PPP2R2D: variants seen among roughly 807,000 people sequenced by gnomAD.
PPP2R2D encodes protein phosphatase 2 regulatory subunit Bdelta, also known as serine/threonine-protein phosphatase 2A 55 kDa regulatory subunit B delta isoform.
Under a neutral mutation model 31.1 loss-of-function variants are expected in PPP2R2D, and 9 were observed. That is an observed-to-expected ratio of 0.29 (90% CI 0.17 to 0.51). The LOEUF is 0.51. Ranked by LOEUF, PPP2R2D falls within the 20% of genes least tolerant of loss-of-function variation. The probability of loss-of-function intolerance (pLI) is 0.98; values close to 1 mark genes in which losing one functional copy is unlikely to be tolerated. For missense variants in PPP2R2D, 391 were observed against 465.6 expected, an observed-to-expected ratio of 0.84 and a Z score of 1.48; for synonymous variants, 179 against 172.6, an observed-to-expected ratio of 1.04 and a Z score of -0.29.
chr10:131,912,971 C>A (rs2035708096), intron 2 of PPP2R2D, among the ~76,000 whole-genome samples: 1 of 152,068 alleles, frequency 6.6e-6, no homozygotes, highest in Non-Finnish European at 1.5e-5. Context: ...ATCTTTTGTC[C>A]ATTTTTCTGC....
intron 2 of PPP2R2D, among the ~76,000 whole-genome samples, chr10:131,928,171 A>T (rs1488807873): frequency 6.6e-6 from 1 of 152,182 alleles, no homozygotes; most frequent in East Asian, 1.9e-4. Flanking sequence ...GGTGGACACC[A>T]GTTCATCTGC....
chr10:131,963,697 C>T (rs555124219), downstream of PPP2R2D, among the ~76,000 whole-genome samples: 14 of 152,380 alleles, frequency 9.2e-5, no homozygotes, highest in Non-Finnish European at 1.8e-4. Flanking sequence ...CGCTGACACC[C>T]CAGTCCAGGG....
At chr10:131,960,706 G>A (rs2036910609), downstream of PPP2R2D, among the ~76,000 whole-genome samples, 1 of 152,226 alleles carries the variant, frequency 6.6e-6, no homozygotes, top group Non-Finnish European at 1.5e-5. Flanking sequence ...TTGGGAGGAA[G>A]AGTGGGTCTG....
At chr10:131,916,532 C>A (rs1315043046) in intron 2 of PPP2R2D, among the ~76,000 whole-genome samples, 1 of 152,232 alleles carries the variant, frequency 6.6e-6, no homozygotes, top group Non-Finnish European at 1.5e-5. Flanking sequence ...TAAACAATAA[C>A]TCCCCTTCTC....
At position 131,939,826 on chromosome 10, in the gene PPP2R2D, A is replaced by G. The variant is rs576231106; in HGVS notation, c.199-205A>G. 1,037 of 341,980 alleles carry G rather than the reference A, an allele frequency of 3.0e-3. 5 individuals carry two copies. The highest frequency in any genetic ancestry group is 4.6e-3 in the Non-Finnish European group (875 of 190,720). The allele number at this position is 341,980 out of a possible 1,614,324, so 21.2% of individuals were successfully genotyped here. ...CATTCGGCAGACCTGCTCCAGATGC[A>G]TACCTAGAAGTGGAGTCGAAGAGTC... On this transcript the variant is annotated intron_variant, in intron 3 of 8. Transcript: ENST00000455566.
At chr10:131,901,489 G>T (rs1264328538) in intron 2 of PPP2R2D, among the ~76,000 whole-genome samples, 159 bp downstream of exon 2, 1 of 151,894 alleles carries the variant, frequency 6.6e-6, no homozygotes, top group Non-Finnish European at 1.5e-5. Context: ...GTGATCGGGG[G>T]GCGGCCGTCC....
intron 2 of PPP2R2D, among the ~76,000 whole-genome samples, chr10:131,908,965 C>T (rs1412807791): frequency 2.0e-5 from 3 of 152,208 alleles, no homozygotes; most frequent in Admixed American, 6.5e-5. Flanking sequence ...CTTCAGGAAA[C>T]GCTGTTTGGA....
At chr10:131,913,480 G>A (rs1262465195) in intron 2 of PPP2R2D, among the ~76,000 whole-genome samples, 1 of 151,928 alleles carries the variant, frequency 6.6e-6, no homozygotes, top group East Asian at 1.9e-4. Flanking sequence ...TAGATTTTTT[G>A]TATTGCTGTT....
At chr10:131,952,281 G>A (rs189273113) in intron 8 of PPP2R2D, among the ~76,000 whole-genome samples, 7 of 105,666 alleles carry the variant, frequency 6.6e-5, no homozygotes, top group South Asian at 3.9e-4. Context: ...GCGGGTGTGC[G>A]GGGGTTCACT....
intron 2 of PPP2R2D, among the ~76,000 whole-genome samples, chr10:131,930,756 G>A (rs1206366049): frequency 2.0e-5 from 3 of 152,142 alleles, no homozygotes; most frequent in African/African-American, 7.2e-5. Context: ...TCAGCCATGC[G>A]GGGCCTCTGA....
intron 5 of PPP2R2D, among the ~76,000 whole-genome samples, chr10:131,942,411 T>A (rs1265485523): frequency 6.6e-6 from 1 of 152,232 alleles, no homozygotes; most frequent in Non-Finnish European, 1.5e-5. Context: ...GACAGGTAAT[T>A]CTGTACATTG....
At position 131,941,659 on chromosome 10, in the gene PPP2R2D, A is replaced by G. The variant is rs1589953104; in HGVS notation, c.477+965A>G. ...AAGACTGAGTGAGTGAGCCCATTCC[A>G]CATTAGTCTTGGAGAGTGCTACAGA... On this transcript the variant is annotated intron_variant, in intron 5 of 8. Coordinates refer to ENST00000455566, the MANE Select transcript of PPP2R2D (RefSeq NM_018461.5). Among the ~76,000 whole-genome samples the G allele has an allele frequency of 8.5e-5, 13 of 152,254 alleles. 3 individuals are homozygous for G. In the South Asian group the frequency reaches 2.7e-3, roughly 32 times the overall value.
intron 2 of PPP2R2D, among the ~76,000 whole-genome samples, chr10:131,917,171 T>G (rs2035816647): frequency 1.5e-5 from 2 of 135,978 alleles, no homozygotes; most frequent in African/African-American, 5.6e-5. Flanking sequence ...GCGGGTGGAA[T>G]GACACAGCGT....
At chr10:131,939,731 G>A (rs976943532) in intron 3 of PPP2R2D, 3 of 196,992 alleles carry the variant, frequency 1.5e-5, no homozygotes, top group East Asian at 1.1e-4. Flanking sequence ...GGCTGCATTC[G>A]GCAGGCCTGC....
chr10:131,919,802 A>G (rs1554893966), intron 2 of PPP2R2D, among the ~76,000 whole-genome samples: 3 of 139,844 alleles, frequency 2.1e-5, no homozygotes, highest in Non-Finnish European at 3.1e-5. Context: ...CAGTGTAGGG[A>G]CCTCAGGCGG....
chr10:131,970,926 G>A, the PPP2R2D span: 1 of 1,614,242 alleles, frequency 6.2e-7, no homozygotes. The surrounding 1 kb of genome is among the most constrained non-coding windows in gnomAD (Gnocchi z 4.1). Context: ...TTTTCTTCAA[G>A]ATGCTTTCAA....
In PPP2R2D at chr10:131,947,170, G is replaced by A. The variant is rs1554898081; in HGVS notation, c.821-360G>A. Among the ~76,000 whole-genome samples the A allele has an allele frequency of 6.6e-6, 1 of 152,234 alleles. No homozygotes were observed. On this transcript the variant is annotated intron_variant, in intron 7 of 8. Transcript: ENST00000455566. This position sits in a 1 kb window ranked among gnomAD's most constrained non-coding sequence, Gnocchi z 4.3. ...TGAGGACGCGGAGACACTCCTACAG[G>A]AATGCGGTGGTGCTGAACCTGGGCA...
rs2036805495 is a variant in PPP2R2D at position 131,956,654 on chromosome 10, C to T, written c.*691C>T. The T allele has an allele frequency of 2.7e-6, 2 of 752,470 alleles. No individual in the cohort carries two copies. Among genetic ancestry groups the T allele is most frequent in the Middle Eastern group, 6.8e-4 (1 of 1,474 alleles). 46.6% of individuals were successfully genotyped at this position (752,470 alleles called of 1,614,324 possible). On this transcript the variant is annotated 3_prime_UTR_variant, in exon 9 of 9. Transcript: ENST00000455566. ...AGAAATGTGTGTCCTTCTTTGGCAG[C>T]GTGGGGGTATGTGTGCAGCATTTCT...
chr10:131,939,654 T>C (rs1430527805), intron 3 of PPP2R2D: 2 of 156,084 alleles, frequency 1.3e-5, no homozygotes, highest in Non-Finnish European at 2.8e-5. Flanking sequence ...GCAGACCTGC[T>C]CCAGAAAACA....
Sources: gnomAD v4.1 joint callset for allele counts (sites outside exome capture counted in the v4.1 genomes callset) on GRCh38, gnomAD v4.1.1 for gene constraint, Gnocchi (gnomAD v3.1) non-coding constraint, MANE v1.5 for transcripts, NCBI Gene and HGNC (gene_info 2026-07-23, HGNC 2026-07-21) for gene names.